Variants in LIMCH1 observed in about 807,000 individuals in gnomAD.
LIMCH1 encodes the protein LIM and calponin homology domains-containing protein 1.
In LIMCH1, 113 loss-of-function variants were observed where a neutral mutation model predicts 176.5. The observed-to-expected ratio is 0.64, with a 90% confidence interval of 0.55 to 0.75. LIMCH1 has a LOEUF of 0.75. Ranked by LOEUF, LIMCH1 falls within the 30% of genes least tolerant of loss-of-function variation. The pLI, the probability that LIMCH1 is intolerant of heterozygous loss-of-function variation, is 0.00. For synonymous variants in LIMCH1, 619 were observed against 645.9 expected, an observed-to-expected ratio of 0.96 and a Z score of 0.63; for missense variants, 1,674 against 1,814.9, an observed-to-expected ratio of 0.92 and a Z score of 1.41.
intron 4 of LIMCH1, 141 bp downstream of exon 4, chr4:41,606,145 G>A (rs913181176): frequency 1.0e-5 from 6 of 580,894 alleles, no homozygotes; most frequent in Non-Finnish European, 1.9e-5. Context: ...ACGATCACTT[G>A]TCTTACCAAT....
intron 31 of LIMCH1, among the ~76,000 whole-genome samples, chr4:41,696,115 A>T (rs1730462007): frequency 6.6e-6 from 1 of 152,194 alleles, no homozygotes; most frequent in South Asian, 2.1e-4. Context: ...TTTAAATGAA[A>T]TTTTTCTCTT....
chr4:41,577,804 A>C (rs1405041482), intron 1 of LIMCH1, among the ~76,000 whole-genome samples: 1 of 152,188 alleles, frequency 6.6e-6, no homozygotes, highest in Non-Finnish European at 1.5e-5. Context: ...TCTTCAAATT[A>C]TTTTAATGCC....
At chr4:41,631,015 C>T in intron 9 of LIMCH1, 133 bp from the exon 10 acceptor site, 1 of 764,694 alleles carries the variant, frequency 1.3e-6, no homozygotes, top group South Asian at 2.2e-5. Context: ...TTGGTTGAAT[C>T]CCGTCAGTGG....
At chr4:41,369,097 G>A (rs892685248) in intron 1 of LIMCH1, among the ~76,000 whole-genome samples, 1 of 152,132 alleles carries the variant, frequency 6.6e-6, no homozygotes, top group African/African-American at 2.4e-5. Context: ...CTAAAGCCAG[G>A]TGCCCTTTGG....
At chr4:41,593,627 A>T (rs2088094205) in intron 1 of LIMCH1, among the ~76,000 whole-genome samples, 1 of 152,254 alleles carries the variant, frequency 6.6e-6, no homozygotes, top group South Asian at 2.1e-4. Context: ...AAAGAATGGT[A>T]TGGTGAATAA....
chr4:41,430,093 C>T (rs115148612), intron 1 of LIMCH1, among the ~76,000 whole-genome samples: 2,038 of 152,052 alleles, frequency 0.013, 49 homozygotes, highest in African/African-American at 0.047. Flanking sequence ...ACAGTATAGA[C>T]GTTACGTAAG....
chr4:41,632,492 G>A (rs1235104160), intron 10 of LIMCH1, among the ~76,000 whole-genome samples: 2 of 152,226 alleles, frequency 1.3e-5, no homozygotes, highest in East Asian at 1.9e-4. Flanking sequence ...ACGTCCTCGA[G>A]GCCTTGAATC....
At position 41,602,808 on chromosome 4, in the gene LIMCH1, AAAC is replaced by A. The variant is rs916539794; in HGVS notation, c.-133-1049_-133-1047del. On this transcript the variant is annotated intron_variant, in intron 2 of 31. Transcript: ENST00000503057. ...GGCGACAGAGTGAGGCTCAGTCTCA[AAAC>A]AACAACAACAACAACAAACCCTAGC... Among the ~76,000 whole-genome samples, 13 of 151,982 alleles carry A rather than the reference AAAC, an allele frequency of 8.6e-5. No homozygotes were observed. In the South Asian group the frequency reaches 1.0e-3, roughly 12 times the overall value.
chr4:41,570,882 G>A (rs1401570191), intron 1 of LIMCH1, among the ~76,000 whole-genome samples: 1 of 152,216 alleles, frequency 6.6e-6, no homozygotes, highest in Non-Finnish European at 1.5e-5. Flanking sequence ...GGAAAGTGGA[G>A]CATTCTAGCA....
At chr4:41,600,783 G>C (rs940882141) in intron 2 of LIMCH1, among the ~76,000 whole-genome samples, 1 of 152,034 alleles carries the variant, frequency 6.6e-6, no homozygotes, top group African/African-American at 2.4e-5. Flanking sequence ...TGGGAAGATG[G>C]AACAACTGAC....
intron 1 of LIMCH1, among the ~76,000 whole-genome samples, chr4:41,421,375 T>A (rs1168643277): frequency 6.6e-6 from 1 of 152,130 alleles, no homozygotes; most frequent in Non-Finnish European, 1.5e-5. Context: ...ATTTGCAGAG[T>A]TGAGACTCAA....
At chr4:41,466,783 T>A (rs184934896) in intron 1 of LIMCH1, among the ~76,000 whole-genome samples, 161 of 152,300 alleles carry the variant, frequency 1.1e-3, no homozygotes, top group Non-Finnish European at 1.9e-3. Flanking sequence ...AACATAACAT[T>A]TACCATTTAA....
chr4:41,406,003 C>G (rs1581651825), intron 1 of LIMCH1, among the ~76,000 whole-genome samples: 3 of 152,056 alleles, frequency 2.0e-5, no homozygotes, highest in Non-Finnish European at 4.4e-5. Context: ...GTCAGGGGAG[C>G]AGTTTGTTTC....
intron 1 of LIMCH1, among the ~76,000 whole-genome samples, chr4:41,446,731 A>G (rs2063327544): frequency 6.6e-6 from 1 of 152,244 alleles, no homozygotes; most frequent in African/African-American, 2.4e-5. Context: ...CACATTATAT[A>G]AAGATAAATG....
At chr4:41,448,500 C>T (rs1313771783) in intron 1 of LIMCH1, among the ~76,000 whole-genome samples, 1 of 152,078 alleles carries the variant, frequency 6.6e-6, no homozygotes, top group Non-Finnish European at 1.5e-5. Context: ...GAATCAGAAG[C>T]AGTATGTCAG....
chr4:41,385,172 G>A (rs1213921996), intron 1 of LIMCH1, among the ~76,000 whole-genome samples: 1 of 152,216 alleles, frequency 6.6e-6, no homozygotes, highest in Non-Finnish European at 1.5e-5. Context: ...CTTCCTTAAT[G>A]AATGCACTTC....
intron 27 of LIMCH1, 117 bp from the exon 28 acceptor site, chr4:41,685,593 C>T (rs972760575): frequency 8.3e-7 from 1 of 1,207,612 alleles, no homozygotes; most frequent in East Asian, 2.5e-5. Context: ...GTGCCCATGA[C>T]CTGCATGAAA....
chr4:41,578,833 C>T (rs1247397821), intron 1 of LIMCH1, among the ~76,000 whole-genome samples: 2 of 151,892 alleles, frequency 1.3e-5, no homozygotes, highest in Admixed American at 1.3e-4. Context: ...GACCCAGTAG[C>T]TAGGATTACA....
chr4:41,628,866 T>A (rs1335831112), intron 8 of LIMCH1, among the ~76,000 whole-genome samples: 3 of 151,686 alleles, frequency 2.0e-5, no homozygotes, highest in Non-Finnish European at 2.9e-5. Context: ...TAAAGAGGAA[T>A]ACCCTCTGCT....
Sources: allele counts gnomAD v4.1 joint callset (sites outside exome capture counted in the v4.1 genomes callset), GRCh38; gene constraint gnomAD v4.1.1; transcripts MANE v1.5; gene names NCBI Gene and HGNC (gene_info 2026-07-23, HGNC 2026-07-21).